RBFOX1: variants seen among roughly 807,000 people sequenced by gnomAD.
The protein encoded by RBFOX1 is RNA binding fox-1 homolog 1.
In RBFOX1, 8 loss-of-function variants were observed where a neutral mutation model predicts 57.7. That is an observed-to-expected ratio of 0.14 (90% CI 0.08 to 0.25). The LOEUF (loss-of-function observed/expected upper bound fraction) is 0.25, where lower values mean the gene tolerates loss of function less well. RBFOX1 is among the 10% of genes least tolerant of loss of function. The pLI is 1.00. For missense variants in RBFOX1, 611 were observed against 548.5 expected, an observed-to-expected ratio of 1.11 and a Z score of -1.14; for synonymous variants, 326 against 222.4, an observed-to-expected ratio of 1.47 and a Z score of -4.15.
At chr16:6,701,119 G>T (rs1306600199) in intron 3 of RBFOX1, among the ~76,000 whole-genome samples, 1 of 142,190 alleles carries the variant, frequency 7.0e-6, no homozygotes, top group Non-Finnish European at 1.5e-5. Flanking sequence ...GAGTTTATCA[G>T]TGTCTCTGTG....
At chr16:7,054,992 T>C (rs1408085171) in intron 4 of RBFOX1, among the ~76,000 whole-genome samples, 1 of 152,218 alleles carries the variant, frequency 6.6e-6, no homozygotes, top group Non-Finnish European at 1.5e-5. Context: ...TACTTGGTGT[T>C]AGGATCTCCT....
At chr16:5,828,997 A>G (rs553322456) in intron 3 of RBFOX1, among the ~76,000 whole-genome samples, 1 of 152,264 alleles carries the variant, frequency 6.6e-6, no homozygotes, top group Non-Finnish European at 1.5e-5. Context: ...GTTGAAGTGT[A>G]TTGCTAGGGC....
At chr16:6,687,993 ATCT>A (rs1193212975) in intron 3 of RBFOX1, among the ~76,000 whole-genome samples, 1 of 152,232 alleles carries the variant, frequency 6.6e-6, no homozygotes, top group Non-Finnish European at 1.5e-5. Context: ...TCTTGGAAAC[ATCT>A]TCTATGCCAA....
At position 7,623,424 on chromosome 16, in the gene RBFOX1, G is replaced by A. The variant is rs184618973; in HGVS notation, c.677-7179G>A. ...TAACTAGACAGTCCTGTCTGGGAGC[G>A]ATGGGAGGCAGTGACGGATCAGGCA... On this transcript the variant is annotated intron_variant, in intron 10 of 15. Coordinates refer to ENST00000550418, the MANE Select transcript of RBFOX1 (RefSeq NM_018723.4). Among the ~76,000 whole-genome samples the A allele has an allele frequency of 3.7e-3, 566 of 152,276 alleles. 9 individuals carry two copies. Among genetic ancestry groups the A allele is most frequent in the African/African-American group, 0.013 (535 of 41,548 alleles).
chr16:6,347,423 T>C (rs929537512), intron 2 of RBFOX1, among the ~76,000 whole-genome samples: 2 of 152,156 alleles, frequency 1.3e-5, no homozygotes, highest in African/African-American at 4.8e-5. Context: ...AATCTACCCG[T>C]GAAGGTAGAT....
chr16:5,454,753 T>C (rs910198897), intron 1 of RBFOX1, among the ~76,000 whole-genome samples: 3 of 135,026 alleles, frequency 2.2e-5, no homozygotes, highest in Non-Finnish European at 3.2e-5. Context: ...CTTTTTCTTT[T>C]CTTTTCTTTC....
At chr16:7,075,948 A>G (rs962920702) in intron 4 of RBFOX1, among the ~76,000 whole-genome samples, 1 of 152,066 alleles carries the variant, frequency 6.6e-6, no homozygotes, top group Non-Finnish European at 1.5e-5. Context: ...TGAATGAGGC[A>G]TACTACACTT....
At position 6,106,861 on chromosome 16, in the gene RBFOX1, C is replaced by G. The variant is rs186970510; in HGVS notation, c.-127+86869C>G. 2.3e-3 allele frequency among the ~76,000 whole-genome samples: 349 copies of G among 151,914 alleles called. 3 individuals carry two copies. Among genetic ancestry groups the G allele is most frequent in the Non-Finnish European group, 3.9e-3 (263 of 67,946 alleles). On this transcript the variant is annotated intron_variant, in intron 1 of 15. Transcript: ENST00000550418. ...TTTTTTTTCGGATTTCTAGTAGAGA[C>G]GGGGTTTCACTGTGTTAGCCAGGAT...
chr16:5,993,819 A>T (rs2060447272), intron 4 of RBFOX1, among the ~76,000 whole-genome samples: 1 of 152,188 alleles, frequency 6.6e-6, no homozygotes, highest in Non-Finnish European at 1.5e-5. Context: ...TGGTTCGTTT[A>T]AGTTAAATAC....
chr16:7,229,024 A>T (rs374285413), intron 4 of RBFOX1, among the ~76,000 whole-genome samples: 1 of 152,178 alleles, frequency 6.6e-6, no homozygotes, highest in East Asian at 1.9e-4. Flanking sequence ...AGAAAGAACA[A>T]TGCATAACAG....
chr16:5,882,375 A>G (rs2057784774), intron 4 of RBFOX1, among the ~76,000 whole-genome samples: 2 of 152,174 alleles, frequency 1.3e-5, no homozygotes, highest in Non-Finnish European at 2.9e-5. Flanking sequence ...TACAGGAAAG[A>G]TTTATGGGCA....
intron 1 of RBFOX1, among the ~76,000 whole-genome samples, chr16:6,231,210 A>G (rs1160048437): frequency 4.3e-5 from 5 of 115,480 alleles, no homozygotes; most frequent in African/African-American, 1.5e-4. Flanking sequence ...GTGTGTGTGT[A>G]TGTGTTTGTG....
intron 1 of RBFOX1, among the ~76,000 whole-genome samples, chr16:5,383,641 T>C (rs1238942748): frequency 6.6e-6 from 1 of 152,202 alleles, no homozygotes; most frequent in African/African-American, 2.4e-5. Flanking sequence ...ATAAAAGCAT[T>C]TTGAAACTTA....
intron 1 of RBFOX1, among the ~76,000 whole-genome samples, chr16:6,306,186 T>G (rs1548842): frequency 0.53 from 80,406 of 152,014 alleles, 24,624 homozygotes; most frequent in Non-Finnish European, 0.66. Flanking sequence ...TGTTTTCCTG[T>G]ATAGTTATAG....
intron 5 of RBFOX1, among the ~76,000 whole-genome samples, chr16:7,540,430 A>G (rs746459366): frequency 2.6e-5 from 4 of 152,208 alleles, no homozygotes; most frequent in Non-Finnish European, 4.4e-5. Flanking sequence ...TTGGCAAGTA[A>G]CACAACTACT....
chr16:5,611,405 C>G (rs11649599), intron 3 of RBFOX1: 94,808 of 151,984 alleles, frequency 0.62, 30,036 homozygotes, highest in Non-Finnish European at 0.66. Context: ...AGTGCCTGCA[C>G]GTGTAAGAGC....
At chr16:5,365,107 G>C (rs993836375) in intron 1 of RBFOX1, among the ~76,000 whole-genome samples, 27 of 152,262 alleles carry the variant, frequency 1.8e-4, no homozygotes, top group Admixed American at 1.7e-3. Flanking sequence ...ACTTACTGCT[G>C]TGGGCAGCTG....
At chr16:5,741,756 A>G (rs2052775660) in intron 3 of RBFOX1, among the ~76,000 whole-genome samples, 1 of 152,244 alleles carries the variant, frequency 6.6e-6, no homozygotes, top group Non-Finnish European at 1.5e-5. Context: ...GACGTATTTT[A>G]TATTTAAAGT....
chr16:6,356,233 T>C (rs2087292594), intron 2 of RBFOX1, among the ~76,000 whole-genome samples: 1 of 152,126 alleles, frequency 6.6e-6, no homozygotes, highest in African/African-American at 2.4e-5. Context: ...GAGTACAGCA[T>C]GGAGAAGGGA....
Sources: allele counts gnomAD v4.1 joint callset (sites outside exome capture counted in the v4.1 genomes callset), GRCh38; gene constraint gnomAD v4.1.1; transcripts MANE v1.5; gene names NCBI Gene and HGNC (gene_info 2026-07-23, HGNC 2026-07-21).